Variants in TGFBR3 observed in about 807,000 individuals in gnomAD.
TGFBR3 encodes transforming growth factor beta receptor 3.
In TGFBR3, 46 loss-of-function variants were observed where a neutral mutation model predicts 87.9. That is an observed-to-expected ratio of 0.52 (90% CI 0.41 to 0.67). TGFBR3 has a LOEUF of 0.67. TGFBR3 is among the 30% of genes least tolerant of loss of function. The pLI, the probability that TGFBR3 is intolerant of heterozygous loss-of-function variation, is 0.00. For synonymous variants in TGFBR3, 381 were observed against 391.6 expected (o/e 0.97, Z 0.32); for missense variants, 866 against 1,041.9 (o/e 0.83, Z 2.32).
chr1:91,727,828 AAAGTT>A, intron 6 of TGFBR3, 22 bp from the exon 7 acceptor site: 1 of 1,613,220 alleles, frequency 6.2e-7, no homozygotes, highest in Non-Finnish European at 8.5e-7. Flanking sequence ...AGACAAAGGC[AAAGTT>A]AAGACCTACA....
intron 3 of TGFBR3, among the ~76,000 whole-genome samples, chr1:91,769,379 T>C (rs920688855): frequency 3.3e-5 from 5 of 152,144 alleles, no homozygotes; most frequent in Non-Finnish European, 5.9e-5. Context: ...GCTGCTGGCA[T>C]CCTTGGACTC....
chr1:91,760,392 G>C (rs1673916396), intron 3 of TGFBR3, among the ~76,000 whole-genome samples: 2 of 152,154 alleles, frequency 1.3e-5, no homozygotes, highest in Admixed American at 1.3e-4. Context: ...CTCCAGCCTG[G>C]GCTACAGAGT....
At chr1:91,842,273 C>G (rs999020105) in intron 2 of TGFBR3, among the ~76,000 whole-genome samples, 2 of 152,162 alleles carry the variant, frequency 1.3e-5, no homozygotes, top group Non-Finnish European at 2.9e-5. Flanking sequence ...AAAAACAGAG[C>G]AAGATAAGAA....
chr1:91,702,094 G>T (rs1187849012), intron 14 of TGFBR3, among the ~76,000 whole-genome samples: 1 of 152,128 alleles, frequency 6.6e-6, no homozygotes, highest in Non-Finnish European at 1.5e-5. Flanking sequence ...GTAGTGGGTA[G>T]AGACCAGGGA....
In TGFBR3 at chr1:91,681,367, A is replaced by G. The variant is rs1406747466; in HGVS notation, c.*2372T>C. 2 of 428,386 alleles carry G rather than the reference A, an allele frequency of 4.7e-6. No homozygotes were observed. Among genetic ancestry groups the G allele is most frequent in the Non-Finnish European group, 9.2e-6 (2 of 218,470 alleles). 26.5% of individuals were successfully genotyped at this position (428,386 alleles called of 1,614,324 possible). ...TCTGAATAATAATTCTGACAATGAGACCCAAACAAATAAAAGGTGATTTTT... is the reference window on the plus strand; with the variant it reads ...TCTGAATAATAATTCTGACAATGAGGCCCAAACAAATAAAAGGTGATTTTT... On this transcript the variant is annotated 3_prime_UTR_variant, in exon 17 of 17. Transcript: ENST00000212355.
chr1:91,888,289 G>T (rs561799767), upstream of TGFBR3, among the ~76,000 whole-genome samples: 2 of 152,118 alleles, frequency 1.3e-5, no homozygotes, highest in African/African-American at 2.4e-5. Flanking sequence ...GCCCAGTCTC[G>T]GGTATGTCTT....
chr1:91,864,976 G>A (rs753764612), intron 1 of TGFBR3, among the ~76,000 whole-genome samples: 3 of 152,074 alleles, frequency 2.0e-5, no homozygotes, highest in Non-Finnish European at 4.4e-5. Flanking sequence ...GCCGAGCTGG[G>A]CAGAACACCT....
At chr1:91,772,805 A>AT (rs1674428948) in intron 3 of TGFBR3, among the ~76,000 whole-genome samples, 1 of 152,202 alleles carries the variant, frequency 6.6e-6, no homozygotes, top group African/African-American at 2.4e-5. Flanking sequence ...AGACCTACCA[A>AT]TACAATATTA....
At chr1:91,753,312 C>G (rs1281117550) in intron 4 of TGFBR3, among the ~76,000 whole-genome samples, 2 of 145,982 alleles carry the variant, frequency 1.4e-5, no homozygotes, top group African/African-American at 5.1e-5. Context: ...ATCGCTTGAG[C>G]CCAGAAGGTT....
chr1:91,724,645 G>A (rs1349928691), intron 7 of TGFBR3, among the ~76,000 whole-genome samples: 1 of 152,130 alleles, frequency 6.6e-6, no homozygotes, highest in Admixed American at 6.5e-5. Flanking sequence ...GCAAGGCTTG[G>A]GACAATGGCA....
intron 2 of TGFBR3, chr1:91,801,108 A>AGACAG: frequency 4.6e-6 from 1 of 219,444 alleles, no homozygotes; most frequent in Non-Finnish European, 9.4e-6. Context: ...AAAGAGAGAG[A>AGACAG]GAGAGAGACT....
intron 2 of TGFBR3, among the ~76,000 whole-genome samples, chr1:91,810,194 G>A (rs899186093): frequency 1.3e-5 from 2 of 152,096 alleles, no homozygotes; most frequent in Non-Finnish European, 2.9e-5. Flanking sequence ...GAATAGCTGA[G>A]ACTACAGGTG....
At chr1:91,846,966 G>A (rs1245084000) in intron 2 of TGFBR3, among the ~76,000 whole-genome samples, 1 of 152,116 alleles carries the variant, frequency 6.6e-6, no homozygotes, top group Non-Finnish European at 1.5e-5. Context: ...ACATTCCTCA[G>A]GACTTTTCTG....
intron 2 of TGFBR3, among the ~76,000 whole-genome samples, chr1:91,815,572 G>A (rs1218650451): frequency 1.3e-5 from 2 of 152,154 alleles, no homozygotes; most frequent in Non-Finnish European, 2.9e-5. Context: ...ACAGAGGAAA[G>A]AACACTACAT....
Position 91,683,636 on chromosome 1 carries a change from G to T in TGFBR3, c.*103C>A, listed in dbSNP as rs1411582080. On this transcript the variant is annotated 3_prime_UTR_variant, in exon 17 of 17. Transcript: ENST00000212355. ...GTCTTTACAAGGGAACCAAAATCCA[G>T]CCCTCTGAGTCTGGACACGAGGCTC... 5.3e-6 allele frequency: 5 copies of T among 947,126 alleles called. No homozygotes were observed. In the South Asian group the frequency reaches 5.8e-5, roughly 11 times the overall value. 58.7% of individuals were successfully genotyped at this position (947,126 alleles called of 1,614,324 possible). A position where few individuals can be genotyped will look rare whatever the true frequency, so the allele number is the denominator to read the frequency against.
intron 2 of TGFBR3, among the ~76,000 whole-genome samples, chr1:91,839,921 A>C (rs757735746): frequency 9.2e-5 from 14 of 152,196 alleles, no homozygotes; most frequent in Non-Finnish European, 2.1e-4. Flanking sequence ...TGTCCTCATA[A>C]GGTAAAGCTG....
intron 3 of TGFBR3, among the ~76,000 whole-genome samples, chr1:91,762,601 G>A (rs771319542): frequency 2.0e-5 from 3 of 152,196 alleles, no homozygotes; most frequent in Non-Finnish European, 4.4e-5. Context: ...TTCTAACCAT[G>A]CTGGTTTCAA....
chr1:91,849,438 T>C (rs1677633054), intron 2 of TGFBR3, among the ~76,000 whole-genome samples: 1 of 152,164 alleles, frequency 6.6e-6, no homozygotes, highest in South Asian at 2.1e-4. Flanking sequence ...GCACTTGCTT[T>C]TCCTGCTGCC....
At chr1:91,780,005 T>C (rs1022180949) in intron 3 of TGFBR3, among the ~76,000 whole-genome samples, 1 of 152,162 alleles carries the variant, frequency 6.6e-6, no homozygotes, top group Non-Finnish European at 1.5e-5. Flanking sequence ...TCTGCCTGCA[T>C]GGTCACACAG....
Sources: allele counts gnomAD v4.1 joint callset (sites outside exome capture counted in the v4.1 genomes callset), GRCh38; gene constraint gnomAD v4.1.1; transcripts MANE v1.5; gene names NCBI Gene and HGNC (gene_info 2026-07-23, HGNC 2026-07-21).